The following ATP10B variants were observed in gnomAD, a reference collection of about 807,000 sequenced individuals.
ATP10B encodes phospholipid-transporting ATPase VB.
ATP10B carries 122 observed loss-of-function variants against 141.2 expected under a neutral mutation model. The ratio of observed to expected loss-of-function variants is 0.86; its 90% CI spans 0.75 to 1.00. ATP10B has a LOEUF of 1.00. Among genes scored for constraint, ATP10B ranks in the 50% least tolerant of loss-of-function variants. The pLI, the probability that ATP10B is intolerant of heterozygous loss-of-function variation, is 0.00. For synonymous variants in ATP10B, 685 were observed against 692.0 expected (o/e 0.99, Z 0.16); for missense variants, 1,876 against 1,825.3 (o/e 1.03, Z -0.51).
chr5:160,674,695 C>T (rs1762917804), intron 6 of ATP10B, among the ~76,000 whole-genome samples: 1 of 151,900 alleles, frequency 6.6e-6, no homozygotes. Flanking sequence ...AGCACACATA[C>T]CTCCAGGATA....
intron 1 of ATP10B, among the ~76,000 whole-genome samples, chr5:160,810,231 T>A (rs75128055): frequency 2.6e-4 from 39 of 152,132 alleles, no homozygotes; most frequent in Non-Finnish European, 2.9e-5. Flanking sequence ...TTATGTCATC[T>A]TCTTTCATAA....
intron 5 of ATP10B, chr5:160,687,203 A>G (rs1763809678): frequency 6.6e-6 from 1 of 152,384 alleles, no homozygotes; most frequent in African/African-American, 2.4e-5. Flanking sequence ...ACTTTATATC[A>G]ATTTATATAA....
intron 2 of ATP10B, among the ~76,000 whole-genome samples, chr5:160,767,823 C>T (rs1373786554): frequency 3.3e-5 from 5 of 152,070 alleles, no homozygotes; most frequent in Non-Finnish European, 7.4e-5. Context: ...AGCTGTTTTT[C>T]CACTATGAGT....
At chr5:160,636,437 A>C in intron 10 of ATP10B, 128 bp from the exon 11 acceptor site, 1 of 951,266 alleles carries the variant, frequency 1.1e-6, no homozygotes, top group Non-Finnish European at 1.6e-6. Flanking sequence ...CTTCCATACA[A>C]TGTAGCTCTG....
chr5:160,892,500 C>T, the ATP10B span, among the ~76,000 whole-genome samples: 1 of 152,138 alleles, frequency 6.6e-6, no homozygotes, highest in Non-Finnish European at 1.5e-5. Flanking sequence ...TTTTGTTTTC[C>T]TTTAAAAAGT....
intron 7 of ATP10B, among the ~76,000 whole-genome samples, chr5:160,653,228 AATATGTAGTATATATAC>A (rs1761046270): frequency 7.3e-6 from 1 of 136,936 alleles, no homozygotes; most frequent in Non-Finnish European, 1.5e-5. Context: ...TATACATACA[AATATGTAGTATATATAC>A]ATACGTAGTA....
At chr5:160,894,632 A>C in the ATP10B span, among the ~76,000 whole-genome samples, 1 of 152,218 alleles carries the variant, frequency 6.6e-6, no homozygotes, top group Non-Finnish European at 1.5e-5. Flanking sequence ...AACACTCTTC[A>C]GGATATTACC....
the ATP10B span, among the ~76,000 whole-genome samples, chr5:160,916,052 C>T: frequency 3.2e-4 from 48 of 152,286 alleles, no homozygotes; most frequent in Non-Finnish European, 6.0e-4. Context: ...GGGGGTTGAT[C>T]CCCTCCTCCA....
At chr5:160,882,325 T>G in the ATP10B span, among the ~76,000 whole-genome samples, 1 of 152,144 alleles carries the variant, frequency 6.6e-6, no homozygotes, top group Admixed American at 6.5e-5. Context: ...TGGGGGATGT[T>G]GATAATGGGA....
intron 13 of ATP10B, among the ~76,000 whole-genome samples, chr5:160,627,099 A>G (rs1284379940): frequency 1.3e-5 from 2 of 152,054 alleles, no homozygotes; most frequent in African/African-American, 4.8e-5. Context: ...CTCCTCTCAC[A>G]ACCTGCACTC....
chr5:160,665,627 G>C (rs149357315), intron 7 of ATP10B, among the ~76,000 whole-genome samples: 1 of 152,164 alleles, frequency 6.6e-6, no homozygotes, highest in Admixed American at 6.6e-5. Context: ...ACTTGACCAC[G>C]GACCATGAGT....
In ATP10B at chr5:160,593,754, C is replaced by T. The variant is rs574570488; in HGVS notation, c.3565-2615G>A. ...GCTGAAAGCCAAGGCTCGAGAACTA[C>T]GTGAAGAATGCAGAAGCCTCAGGAG... On this transcript the variant is annotated intron_variant, in intron 22 of 25. Coordinates refer to ENST00000327245, the MANE Select transcript of ATP10B (RefSeq NM_025153.3). 1.3e-4 allele frequency among the ~76,000 whole-genome samples: 20 copies of T among 152,174 alleles called. No individual in the cohort carries two copies. In the South Asian group the frequency reaches 1.5e-3, roughly 11 times the overall value.
chr5:160,892,194 T>A, the ATP10B span, among the ~76,000 whole-genome samples: 1 of 152,182 alleles, frequency 6.6e-6, no homozygotes, highest in Admixed American at 6.5e-5. Flanking sequence ...AAACCCAAGC[T>A]CCAAGCTCCT....
At chr5:160,601,707 T>A (rs1403102163) in intron 21 of ATP10B, among the ~76,000 whole-genome samples, 2 of 152,226 alleles carry the variant, frequency 1.3e-5, no homozygotes, top group Non-Finnish European at 2.9e-5. Context: ...AGTTTCCCCA[T>A]ATTATTGATG....
chr5:160,808,051 C>T (rs918584657), intron 1 of ATP10B, among the ~76,000 whole-genome samples: 5 of 152,016 alleles, frequency 3.3e-5, no homozygotes, highest in East Asian at 1.9e-4. Context: ...AAAAAACAGA[C>T]GGGAGAGAGT....
chr5:160,924,855 TG>T, the ATP10B span, among the ~76,000 whole-genome samples: 5 of 152,324 alleles, frequency 3.3e-5, no homozygotes, highest in African/African-American at 1.2e-4. Flanking sequence ...AGCTCTGTCT[TG>T]GGGAACAGTA....
chr5:160,588,579 T>C (rs1478002802), intron 24 of ATP10B, among the ~76,000 whole-genome samples: 1 of 152,236 alleles, frequency 6.6e-6, no homozygotes, highest in Non-Finnish European at 1.5e-5. Flanking sequence ...ACTATTAGCA[T>C]GGATGTTAAA....
the ATP10B span, among the ~76,000 whole-genome samples, chr5:160,863,536 C>A: frequency 2.6e-5 from 4 of 151,888 alleles, no homozygotes; most frequent in South Asian, 2.1e-4. Flanking sequence ...ACAACCTAAT[C>A]TCTCACCTCA....
At chr5:160,605,014 G>C (rs1404673934) in intron 19 of ATP10B, among the ~76,000 whole-genome samples, 1 of 152,114 alleles carries the variant, frequency 6.6e-6, no homozygotes, top group Non-Finnish European at 1.5e-5. Context: ...CTTGCTGAAA[G>C]ACTATTAATC....
Sources: allele counts gnomAD v4.1 joint callset (sites outside exome capture counted in the v4.1 genomes callset), GRCh38; gene constraint gnomAD v4.1.1; transcripts MANE v1.5; gene names NCBI Gene and HGNC (gene_info 2026-07-23, HGNC 2026-07-21).